Variants in ORC4 observed in about 807,000 individuals in gnomAD.
ORC4 encodes the protein origin recognition complex, subunit 4 homolog.
In ORC4, 55 loss-of-function variants were observed where a neutral mutation model predicts 63.9. The ratio of observed to expected loss-of-function variants is 0.86; its 90% CI spans 0.69 to 1.08. The LOEUF (loss-of-function observed/expected upper bound fraction) is 1.08, where lower values mean the gene tolerates loss of function less well. ORC4 is among the 50% of genes least tolerant of loss of function. The pLI, the probability that ORC4 is intolerant of heterozygous loss-of-function variation, is 0.00. For missense variants in ORC4, 511 were observed against 504.4 expected (o/e 1.01, Z -0.13); for synonymous variants, 150 against 168.5 (o/e 0.89, Z 0.85).
At chr2:148,011,560 G>A (rs902408300) in intron 1 of ORC4, among the ~76,000 whole-genome samples, 1 of 152,158 alleles carries the variant, frequency 6.6e-6, no homozygotes, top group Non-Finnish European at 1.5e-5. Flanking sequence ...CTAGGATCTA[G>A]AAGAAGGATG....
Position 147,938,349 on chromosome 2 carries a change from A to G in ORC4, c.1003T>C (p.Leu335=). ...GGCTCTTCCTCATAGATGTCATTTA[A>G]ATGTTTCATTGCTATTATAAGACAG... The part of the protein sequence containing the change: ...EICLIIAMKH[L]NDIYEEEPFN... Residue 335 remains leucine (L), a synonymous_variant, in exon 12 of 14, where the codon TTA becomes CTA. Transcript: ENST00000392857. The G allele has an allele frequency of 6.2e-7, 1 of 1,608,252 alleles. No individual in the cohort carries two copies. Among genetic ancestry groups the G allele is most frequent in the Non-Finnish European group, 8.5e-7 (1 of 1,176,176 alleles).
At chr2:147,969,619 A>C (rs1690091309) in intron 4 of ORC4, among the ~76,000 whole-genome samples, 1 of 151,956 alleles carries the variant, frequency 6.6e-6, no homozygotes, top group African/African-American at 2.4e-5. Context: ...CAGAATGCTG[A>C]GAGAGGGGGA....
intron 1 of ORC4, among the ~76,000 whole-genome samples, chr2:147,983,199 T>C (rs961322336): frequency 4.6e-5 from 7 of 152,204 alleles, no homozygotes; most frequent in Admixed American, 1.3e-4. Context: ...CCAAGCCACA[T>C]AGCAATTGCA....
Position 147,950,389 on chromosome 2 carries a change from A to C in ORC4, c.588+1984T>G, listed in dbSNP as rs1435887522. Reference sequence around the variant, plus strand: ...AAAAAACAAAAATGGAATTACTCCCAATGGGGAAGAAGATGCTTGCTGGCA... The same window carrying C: ...AAAAAACAAAAATGGAATTACTCCCCATGGGGAAGAAGATGCTTGCTGGCA... On this transcript the variant is annotated intron_variant, in intron 8 of 13. Coordinates refer to ENST00000392857, the MANE Select transcript of ORC4 (RefSeq NM_181741.4). 3.3e-5 allele frequency among the ~76,000 whole-genome samples: 5 copies of C among 152,202 alleles called. No individual in the cohort carries two copies. The South Asian group carries it at 8.3e-4, about 25-fold the overall frequency.
chr2:147,943,912 G>A (rs1306428958), intron 9 of ORC4, among the ~76,000 whole-genome samples: 1 of 152,122 alleles, frequency 6.6e-6, no homozygotes, highest in Non-Finnish European at 1.5e-5. Context: ...AACTGGATGA[G>A]ACAAGAGATT....
At chr2:148,003,584 T>C (rs1449468919) in intron 1 of ORC4, among the ~76,000 whole-genome samples, 1 of 152,092 alleles carries the variant, frequency 6.6e-6, no homozygotes, top group African/African-American at 2.4e-5. Flanking sequence ...AAACTCTCAA[T>C]AAACTAAGAA....
chr2:148,009,121 T>A (rs1291322430), intron 1 of ORC4, among the ~76,000 whole-genome samples: 2 of 152,068 alleles, frequency 1.3e-5, no homozygotes, highest in African/African-American at 2.4e-5. Context: ...TAAATTGTTA[T>A]TTGCTAACCT....
intron 7 of ORC4, among the ~76,000 whole-genome samples, chr2:147,954,153 CAT>C (rs1199581183): frequency 4.0e-5 from 6 of 151,702 alleles, no homozygotes; most frequent in Middle Eastern, 3.4e-3. Context: ...ATGTGGAAAA[CAT>C]AAAACTTTAG....
At chr2:147,952,547 C>T (rs1252303083) in intron 7 of ORC4, 23 bp from the exon 8 acceptor site, 4 of 1,560,948 alleles carry the variant, frequency 2.6e-6, no homozygotes, top group Non-Finnish European at 3.5e-6. Context: ...AAGAGCATTA[C>T]ATTAATAAGA....
intron 4 of ORC4, chr2:147,960,496 C>A: frequency 6.2e-6 from 2 of 324,542 alleles, no homozygotes; most frequent in Non-Finnish European, 8.8e-6. Context: ...TCACACTGAC[C>A]AACATAACCA....
At chr2:147,997,925 A>G (rs895498189) in intron 1 of ORC4, among the ~76,000 whole-genome samples, 1 of 152,204 alleles carries the variant, frequency 6.6e-6, no homozygotes, top group Admixed American at 6.5e-5. Flanking sequence ...TTTAACATAA[A>G]ATTTTAAAAA....
chr2:147,997,638 C>T (rs1692050338), intron 1 of ORC4, among the ~76,000 whole-genome samples: 1 of 152,060 alleles, frequency 6.6e-6, no homozygotes, highest in East Asian at 1.9e-4. Context: ...TCTATGATCT[C>T]ATGCTGCCAT....
chr2:147,992,162 T>G (rs771946213), intron 1 of ORC4, among the ~76,000 whole-genome samples: 18 of 152,234 alleles, frequency 1.2e-4, no homozygotes, highest in Non-Finnish European at 2.4e-4. Flanking sequence ...CACATGGAAG[T>G]AGGCTACCTT....
At chr2:148,006,384 A>G (rs1208838286) in intron 1 of ORC4, among the ~76,000 whole-genome samples, 1 of 152,196 alleles carries the variant, frequency 6.6e-6, no homozygotes, top group Non-Finnish European at 1.5e-5. Context: ...TTGGAGTGAC[A>G]GGCCACAAGG....
intron 7 of ORC4, among the ~76,000 whole-genome samples, chr2:147,953,992 C>G (rs1689112283): frequency 6.6e-6 from 1 of 151,698 alleles, no homozygotes; most frequent in African/African-American, 2.4e-5. Flanking sequence ...TTAGTCTATT[C>G]AAAGTCAGAT....
rs1170760070 is a variant in ORC4 at position 147,952,535 on chromosome 2, A to G, written c.437-11T>C. On this transcript the variant is annotated splice_polypyrimidine_tract_variant and intron_variant, in intron 7 of 13. Transcript: ENST00000392857. ...TGCTAGTTCGGTCACCTAAGATAAA[A>G]TAAGAGCATTACATTAATAAGAAAT... 1.3e-6 allele frequency: 2 copies of G among 1,582,642 alleles called. No individual in the cohort carries two copies. The highest frequency in any genetic ancestry group is 1.7e-6 in the Non-Finnish European group (2 of 1,151,656).
chr2:147,938,052 T>C, intron 13 of ORC4, 94 bp downstream of exon 13: 1 of 817,094 alleles, frequency 1.2e-6, no homozygotes. Flanking sequence ...TAATACTTAA[T>C]GTTTAAAAAT....
chr2:147,948,891 G>A (rs1688800226), intron 8 of ORC4, among the ~76,000 whole-genome samples: 3 of 150,032 alleles, frequency 2.0e-5, no homozygotes, highest in African/African-American at 7.3e-5. Flanking sequence ...AAGCACAATA[G>A]GTAAGCTGTC....
intron 1 of ORC4, among the ~76,000 whole-genome samples, chr2:147,988,362 A>ATTT (rs111917011): frequency 7.0e-6 from 1 of 143,384 alleles, no homozygotes; most frequent in Non-Finnish European, 1.5e-5. Context: ...GACTTACTGA[A>ATTT]TTTTTTTTTT....
Sources: gnomAD v4.1 joint callset for allele counts (sites outside exome capture counted in the v4.1 genomes callset) on GRCh38, gnomAD v4.1.1 for gene constraint, MANE v1.5 for transcripts, NCBI Gene and HGNC (gene_info 2026-07-23, HGNC 2026-07-21) for gene names.